The following COBL variants were observed in gnomAD, a reference collection of about 807,000 sequenced individuals.
COBL encodes the protein protein cordon-bleu.
Under a neutral mutation model 98.8 loss-of-function variants are expected in COBL, and 51 were observed. The ratio of observed to expected loss-of-function variants is 0.52; its 90% confidence interval spans 0.41 to 0.65. The LOEUF (loss-of-function observed/expected upper bound fraction) is 0.65, where lower values mean the gene tolerates loss of function less well. COBL is among the 30% of genes least tolerant of loss of function. The pLI, the probability that COBL is intolerant of heterozygous loss-of-function variation, is 0.00. For missense variants in COBL, 1,617 were observed against 1,617.5 expected, an observed-to-expected ratio of 1.00 and a Z score of 0.01; for synonymous variants, 634 against 651.7, an observed-to-expected ratio of 0.97 and a Z score of 0.41.
At chr7:51,018,904 AAATATATATATATAT>A (rs1304560828) in intron 12 of COBL, among the ~76,000 whole-genome samples, 2 of 54,688 alleles carry the variant, frequency 3.7e-5, no homozygotes, top group African/African-American at 1.8e-4. Flanking sequence ...AAAAAAAAAA[AAATATATATATATAT>A]ATATATATAT....
chr7:51,200,225 T>C (rs182371746), intron 2 of COBL, among the ~76,000 whole-genome samples: 27 of 152,316 alleles, frequency 1.8e-4, no homozygotes, highest in African/African-American at 6.3e-4. Flanking sequence ...ACTAGGAAGT[T>C]TGTCACCACT....
At chr7:51,100,416 A>G (rs1795705380) in intron 6 of COBL, among the ~76,000 whole-genome samples, 1 of 152,214 alleles carries the variant, frequency 6.6e-6, no homozygotes, top group Admixed American at 6.5e-5. Context: ...ACAATCTACC[A>G]GGTTGGAAAC....
rs144139625 is a variant in COBL at position 51,109,368 on chromosome 7, G to A, written c.958-24064C>T. On this transcript the variant is annotated intron_variant, in intron 6 of 12. Transcript: ENST00000265136. Reference sequence around the variant, plus strand: ...AGACATTTCAGCTCCAACTGGTTCTGCATCATCATCTGCATCTGCGGACCC... The same window carrying A: ...AGACATTTCAGCTCCAACTGGTTCTACATCATCATCTGCATCTGCGGACCC... Among the ~76,000 whole-genome samples, 248 of 152,300 alleles carry A rather than the reference G, an allele frequency of 1.6e-3. 1 individual carries two copies. Among genetic ancestry groups the A allele is most frequent in the African/African-American group, 5.6e-3 (232 of 41,564 alleles).
At chr7:51,188,526 G>A (rs902964519) in intron 4 of COBL, among the ~76,000 whole-genome samples, 5 of 152,264 alleles carry the variant, frequency 3.3e-5, no homozygotes, top group Admixed American at 2.0e-4. Context: ...TGGTCCAGAC[G>A]AAAGGGGTGC....
At chr7:51,187,329 T>TACACACACACAC (rs1408641065) in intron 4 of COBL, among the ~76,000 whole-genome samples, 12 of 142,402 alleles carry the variant, frequency 8.4e-5, no homozygotes, top group African/African-American at 3.3e-4. Context: ...TATATATATA[T>TACACACACACAC]ATACACACAC....
intron 2 of COBL, among the ~76,000 whole-genome samples, chr7:51,197,420 G>A (rs1483579572): frequency 2.0e-5 from 3 of 152,062 alleles, no homozygotes. Context: ...ATTTGCTGAG[G>A]AGTCTTTTAT....
rs34766805 is a variant in COBL, at chr7:51,214,272, AAAATAAATAAAT to A, written c.245+5457_245+5468del. On this transcript the variant is annotated intron_variant, in intron 2 of 12. Transcript: ENST00000265136. ...CAACAGAGCAAGACTTCATCTATTA[AAAATAAATAAAT>A]AAATAAATAAATAAATAAATAAATA... Among the ~76,000 whole-genome samples, 782 of 140,268 alleles carry A rather than the reference AAAATAAATAAAT, an allele frequency of 5.6e-3. 3 individuals carry two copies. The highest frequency in any genetic ancestry group is 0.01 in the African/African-American group (393 of 37,822). 92.0% of individuals were successfully genotyped at this position (140,268 alleles called of 152,430 possible). A position where few individuals can be genotyped will look rare whatever the true frequency, so the allele number is the denominator to read the frequency against.
At chr7:51,288,098 G>C (rs1036952654) in intron 1 of COBL, among the ~76,000 whole-genome samples, 4 of 152,130 alleles carry the variant, frequency 2.6e-5, no homozygotes, top group Non-Finnish European at 5.9e-5. Flanking sequence ...TATGAAAGAA[G>C]TCAACTGGAC....
chr7:51,221,942 T>C (rs375524988), intron 1 of COBL, among the ~76,000 whole-genome samples: 5 of 151,958 alleles, frequency 3.3e-5, no homozygotes, highest in Non-Finnish European at 7.4e-5. Context: ...AATCCCAGCA[T>C]TTATGGGAGG....
chr7:51,193,446 T>C lies in COBL; in HGVS notation c.389A>G (p.His130Arg). ...AACTTTTTCTTTCAGAAACACAGTA[T>C]GCACATTCAGGGTCCCAATCAAAGT... is the stretch of plus-strand genomic sequence containing the variant. ...PNTLIGTLNV[H>R]TVFLKEKVPE... The change falls in exon 3 of 13, where the codon CAT becomes CGT. Residue 130 changes from histidine to arginine, a missense_variant. Around this residue, in one of 3 missense-constraint regions of COBL, gnomAD observed 238 missense variants for 215.0 expected, o/e 1.11. Transcript: ENST00000265136. 1 of 1,614,216 alleles carries C rather than the reference T, an allele frequency of 6.2e-7. No individual in the cohort carries two copies. Among genetic ancestry groups the C allele is most frequent in the Non-Finnish European group, 8.5e-7 (1 of 1,180,026 alleles).
At chr7:51,118,217 T>C (rs1797448658) in intron 6 of COBL, among the ~76,000 whole-genome samples, 1 of 152,182 alleles carries the variant, frequency 6.6e-6, no homozygotes, top group Non-Finnish European at 1.5e-5. Flanking sequence ...GCATATCACA[T>C]TACCATTAGC....
intron 2 of COBL, among the ~76,000 whole-genome samples, chr7:51,216,605 A>G (rs1405262810): frequency 2.0e-5 from 3 of 152,088 alleles, no homozygotes; most frequent in Non-Finnish European, 4.4e-5. Context: ...CAGAGCACCA[A>G]TTCTCATGTC....
chr7:51,239,034 A>G (rs1284929886), intron 1 of COBL, among the ~76,000 whole-genome samples: 1 of 152,244 alleles, frequency 6.6e-6, no homozygotes, highest in Non-Finnish European at 1.5e-5. Context: ...ATTAAAAATA[A>G]GGGTAATAAA....
At chr7:51,198,495 C>G (rs144050593) in intron 2 of COBL, among the ~76,000 whole-genome samples, 145 of 152,214 alleles carry the variant, frequency 9.5e-4, no homozygotes, top group African/African-American at 3.2e-3. Context: ...TAGGAGGGAT[C>G]TTCTTGTGAA....
At position 51,115,166 on chromosome 7, in the gene COBL, GTTC is replaced by G. The variant is rs147099460; in HGVS notation, c.957+20989_957+20991del. Among the ~76,000 whole-genome samples, 1,109 of 152,118 alleles carry G rather than the reference GTTC, an allele frequency of 7.3e-3. 13 individuals carry two copies. The highest frequency in any genetic ancestry group is 0.026 in the African/African-American group (1,075 of 41,528). ...TCTTTTAAAATTGATATTAATTTAT[GTTC>G]TTTTTTCCCTGGATCAATCTAGATA... On this transcript the variant is annotated intron_variant, in intron 6 of 12. Coordinates refer to ENST00000265136, the MANE Select transcript of COBL (RefSeq NM_015198.5).
chr7:51,224,287 A>G (rs1438214285), intron 1 of COBL, among the ~76,000 whole-genome samples: 1 of 152,212 alleles, frequency 6.6e-6, no homozygotes, highest in Non-Finnish European at 1.5e-5. Flanking sequence ...TGATGATGAT[A>G]TTGACACTGC....
chr7:51,258,539 C>T (rs1274979971), intron 1 of COBL, among the ~76,000 whole-genome samples: 4 of 152,182 alleles, frequency 2.6e-5, no homozygotes, highest in African/African-American at 4.8e-5. Flanking sequence ...TTGCCATGAA[C>T]ATAACCTACT....
At chr7:51,193,313 A>C in intron 3 of COBL, 66 bp downstream of exon 3, 1 of 1,412,956 alleles carries the variant, frequency 7.1e-7, no homozygotes, top group Non-Finnish European at 1.0e-6. Context: ...GAAGAGCCAC[A>C]CTGGCCCCTA....
rs117776036 is a variant in COBL, at chr7:51,165,858, G to A, written c.783+18244C>T. Among the ~76,000 whole-genome samples the A allele has an allele frequency of 5.7e-3, 871 of 152,050 alleles. 2 individuals carry two copies. The highest frequency in any genetic ancestry group is 0.01 in the Non-Finnish European group (680 of 67,888). ...AATGGGAATTAAACAACATGCTCCT[G>A]AATTACCACTGGGTCAAGGAAGCAA... On this transcript the variant is annotated intron_variant, in intron 5 of 12. Transcript: ENST00000265136.
Sources: gnomAD v4.1 joint callset for allele counts (sites outside exome capture counted in the v4.1 genomes callset) on GRCh38, gnomAD v4.1.1 for gene constraint, gnomAD v4.1.1 regional missense constraint, MANE v1.5 for transcripts, NCBI Gene and HGNC (gene_info 2026-07-23, HGNC 2026-07-21) for gene names.